MORN1: variants seen among roughly 807,000 people sequenced by gnomAD.
MORN1 encodes MORN repeat containing 1, also known as MORN repeat-containing protein 1.
MORN1 carries 67 observed loss-of-function variants against 61.9 expected under a neutral mutation model. The observed-to-expected ratio is 1.08, with a 90% CI of 0.89 to 1.33. MORN1 has a LOEUF of 1.33. MORN1 is among the 40% of genes most tolerant of loss of function. The pLI is 0.00. For missense variants in MORN1, 752 were observed against 691.2 expected (o/e 1.09, Z -0.99); for synonymous variants, 301 against 292.0 (o/e 1.03, Z -0.31).
chr1:2,391,400 G>A lies in MORN1; in HGVS notation c.76+58C>T, dbSNP rs776358379. On this transcript the variant is annotated intron_variant, in intron 1 of 13. Coordinates refer to ENST00000378531, the MANE Select transcript of MORN1 (RefSeq NM_024848.3). ...TGGGGGTCGAGGGCGTAGAGCGATC[G>A]CACCCTGAATGGAGCCCAGGGCAGC... 760 of 1,249,410 alleles carry A rather than the reference G, an allele frequency of 6.1e-4. 3 individuals carry two copies. The highest frequency in any genetic ancestry group is 1.4e-4 in the African/African-American group (9 of 64,468). The allele number at this position is 1,249,410 out of a possible 1,614,324, so 77.4% of individuals were successfully genotyped here. A position where few individuals can be genotyped will look rare whatever the true frequency, so the allele number is the denominator to read the frequency against.
intron 6 of MORN1, chr1:2,378,609 A>G: frequency 3.7e-6 from 1 of 272,450 alleles, no homozygotes; most frequent in Non-Finnish European, 7.2e-6. Flanking sequence ...TGAGACAGCC[A>G]ACACTCACGG....
Position 2,357,514 on chromosome 1 carries a change from G to A in MORN1, c.954C>T (p.Ala318=), listed in dbSNP as rs145200958. The change falls in exon 10 of 14, where the codon GCC becomes GCT. Residue 318 remains alanine, a synonymous_variant. Transcript: ENST00000378531. The surrounding 1 kb of genome is among the most constrained non-coding windows in gnomAD (Gnocchi z 6.3). ...GPRAAKGGAE[A]DVPLPRGDLE... ...GGTCTCCCCTGGGCAGGGGCACGTC[G>A]GCTTCTGCCCCTCCCTTGGCAGCTC... 46 of 1,612,792 alleles carry A rather than the reference G, an allele frequency of 2.9e-5. No homozygotes were observed. Among genetic ancestry groups the A allele is most frequent in the South Asian group, 1.5e-4 (14 of 91,022 alleles).
intron 4 of MORN1, 42 bp downstream of exon 4, chr1:2,387,377 A>G (rs1557895511): frequency 6.9e-7 from 1 of 1,440,158 alleles, no homozygotes; most frequent in Admixed American, 1.7e-5. Context: ...ATGTCCTGAA[A>G]GCGCCCACCC....
chr1:2,387,520 A>G lies in MORN1; in HGVS notation c.257T>C (p.Phe86Ser). The change falls in exon 4 of 14, where the codon TTC (phenylalanine) becomes TCC (serine). Residue 86 changes from phenylalanine to serine, a missense_variant. Transcript: ENST00000378531. ...CTCTCCCAGAACAAACTGTCCAGAGAAGGTGTCTCCTGCATGTGGACAAGG... is the reference window on the plus strand; with the variant it reads ...CTCTCCCAGAACAAACTGTCCAGAGGAGGTGTCTCCTGCATGTGGACAAGG... ...RRHWAWSGDT[F>S]SGQFVLGEPQ... The G allele has an allele frequency of 1.2e-6, 2 of 1,611,570 alleles. No homozygotes were observed. Among genetic ancestry groups the G allele is most frequent in the South Asian group, 2.2e-5 (2 of 91,058 alleles).
intron 4 of MORN1, 101 bp downstream of exon 4, chr1:2,387,318 C>T: frequency 1.2e-6 from 1 of 856,078 alleles, no homozygotes; most frequent in Non-Finnish European, 2.0e-6. Context: ...CCTCTGAAGT[C>T]AGGCAGGCCC....
chr1:2,348,658 C>CGCACCTGCGCAGGCACGCACACAT (rs1641571147), intron 10 of MORN1, among the ~76,000 whole-genome samples: 1 of 151,070 alleles, frequency 6.6e-6, no homozygotes, highest in Non-Finnish European at 1.5e-5. Flanking sequence ...CACGCACACA[C>CGCACCTGCGCAGGCACGCACACAT]GCACGCACAC....
In MORN1 at chr1:2,372,269, A is replaced by G. The variant is rs1480962917; in HGVS notation, c.745+212T>C. 1 of 547,104 alleles carries G rather than the reference A, an allele frequency of 1.8e-6. No individual in the cohort carries two copies. The highest frequency in any genetic ancestry group is 2.0e-5 in the South Asian group (1 of 49,922). The allele number at this position is 547,104 out of a possible 1,614,324, so 33.9% of individuals were successfully genotyped here. ...TACAGGAGCACGCACATCACACAAT[A>G]TGTGCACACATGCTTGCACACACAC... is the stretch of plus-strand genomic sequence containing the variant. On this transcript the variant is annotated intron_variant, in intron 8 of 13. Transcript: ENST00000378531. This position sits in a 1 kb window ranked among gnomAD's most constrained non-coding sequence, Gnocchi z 5.4.
Position 2,336,662 on chromosome 1 carries a change from G to A in MORN1, c.1170+55C>T, listed in dbSNP as rs976474193. 1.3e-5 allele frequency: 20 copies of A among 1,564,864 alleles called. No individual in the cohort carries two copies. The Admixed American group carries it at 1.4e-4, about 11-fold the overall frequency. On this transcript the variant is annotated intron_variant, in intron 11 of 13. Coordinates refer to ENST00000378531, the MANE Select transcript of MORN1 (RefSeq NM_024848.3). The stretch of plus-strand genomic sequence containing the variant: ...GCCTGGGTGTTGAGGTGGTGGGTGG[G>A]CAGGGATAGTCTGAGTGATGTGGGG...
At chr1:2,364,167 A>G (rs1419525431) in intron 8 of MORN1, among the ~76,000 whole-genome samples, 2 of 152,188 alleles carry the variant, frequency 1.3e-5, no homozygotes, top group African/African-American at 4.8e-5. Flanking sequence ...AATATCACAG[A>G]AAGTAGATGT....
chr1:2,327,005 CA>C (rs1356425636), intron 12 of MORN1, among the ~76,000 whole-genome samples: 1 of 149,404 alleles, frequency 6.7e-6, no homozygotes, highest in African/African-American at 2.6e-5. Flanking sequence ...GACACAGAAA[CA>C]CACAGAAACA....
intron 12 of MORN1, 106 bp downstream of exon 12, chr1:2,336,363 A>G: frequency 6.0e-6 from 7 of 1,161,146 alleles, no homozygotes; most frequent in Non-Finnish European, 8.5e-6. Context: ...GTCTTCCCAG[A>G]CCAGGCCCTT....
rs79512970 is a variant in MORN1 at position 2,374,031 on chromosome 1, G to C, written c.634+430C>G. Among the ~76,000 whole-genome samples, 1,110 of 152,296 alleles carry C rather than the reference G, an allele frequency of 7.3e-3. 30 individuals carry two copies. The highest frequency in any genetic ancestry group is 0.07 in the East Asian group (361 of 5,164). On this transcript the variant is annotated intron_variant, in intron 7 of 13. Transcript: ENST00000378531. The stretch of plus-strand genomic sequence containing the variant: ...CCCCTGGGGTGGCACCCTCATCCTG[G>C]AATCTATTGAGAGGCCACCCAGAGG...
intron 10 of MORN1, among the ~76,000 whole-genome samples, chr1:2,342,779 T>C (rs1235456203): frequency 6.6e-6 from 1 of 152,206 alleles, no homozygotes; most frequent in African/African-American, 2.4e-5. Flanking sequence ...CCTAGCACTG[T>C]CACCGAGAAG....
chr1:2,385,116 G>A, intron 5 of MORN1, 51 bp from the exon 6 acceptor site: 2 of 1,533,972 alleles, frequency 1.3e-6, no homozygotes, highest in Non-Finnish European at 1.8e-6. Flanking sequence ...GCCGGGTGGT[G>A]GCAGTGACTC....
intron 6 of MORN1, among the ~76,000 whole-genome samples, chr1:2,381,543 C>G (rs552996318): frequency 6.6e-6 from 1 of 152,276 alleles, no homozygotes; most frequent in South Asian, 2.1e-4. Context: ...CAGGCGGTCC[C>G]AGGGCCTGCC....
intron 10 of MORN1, among the ~76,000 whole-genome samples, chr1:2,346,595 AG>A (rs1188495798): frequency 6.6e-6 from 1 of 152,166 alleles, no homozygotes; most frequent in Non-Finnish European, 1.5e-5. Flanking sequence ...CATGTTGCCC[AG>A]GCTGGTCTTG....
At chr1:2,322,417 G>C (rs962474712) in intron 13 of MORN1, 1 of 985,384 alleles carries the variant, frequency 1.0e-6, no homozygotes, top group Non-Finnish European at 1.2e-6. Flanking sequence ...ACGCCGGCCT[G>C]GAAAACAGCG....
intron 10 of MORN1, chr1:2,352,097 A>G: frequency 6.2e-6 from 3 of 482,670 alleles, no homozygotes; most frequent in Admixed American, 2.7e-5. Flanking sequence ...TTCCCCTGCA[A>G]TGTGTCTTGT....
chr1:2,321,897 G>C, intron 13 of MORN1: 1 of 550,678 alleles, frequency 1.8e-6, no homozygotes, highest in Non-Finnish European at 2.3e-6. Context: ...TCGCATGGTG[G>C]CCGCTCTCAA....
Sources: gnomAD v4.1 joint callset for allele counts (sites outside exome capture counted in the v4.1 genomes callset) on GRCh38, gnomAD v4.1.1 for gene constraint, Gnocchi (gnomAD v3.1) non-coding constraint, MANE v1.5 for transcripts, NCBI Gene and HGNC (gene_info 2026-07-23, HGNC 2026-07-21) for gene names.